Variants in ERICH6B observed in about 807,000 individuals in gnomAD.
ERICH6B encodes the protein glutamate-rich protein 6B.
A neutral mutation model predicts 80.0 loss-of-function variants in ERICH6B; 69 were observed. The ratio of observed to expected loss-of-function variants is 0.86; its 90% confidence interval spans 0.71 to 1.05. ERICH6B has a LOEUF of 1.05. Among genes scored for constraint, ERICH6B ranks in the 50% least tolerant of loss-of-function variants. The pLI is 0.00. For missense variants in ERICH6B, 754 were observed against 796.1 expected, an observed-to-expected ratio of 0.95 and a Z score of 0.64; for synonymous variants, 283 against 291.9, an observed-to-expected ratio of 0.97 and a Z score of 0.31.
intron 1 of ERICH6B, among the ~76,000 whole-genome samples, chr13:45,610,956 A>G (rs963091516): frequency 1.3e-5 from 2 of 151,974 alleles, no homozygotes; most frequent in African/African-American, 4.8e-5. Flanking sequence ...TTGGGAAGAG[A>G]CAACAAATAG....
rs925826594 is a variant in ERICH6B at position 45,589,904 on chromosome 13, G to T, written c.686+745C>A. ...AGAGCGGCCAGTGCAGGGCTGGAGG[G>T]GGGCTGCCTCGCCGGGTCAAGGGAC... On this transcript the variant is annotated intron_variant, in intron 4 of 14. Coordinates refer to ENST00000298738, the MANE Select transcript of ERICH6B (RefSeq NM_182542.3). Among the ~76,000 whole-genome samples the T allele has an allele frequency of 2.6e-5, 4 of 152,318 alleles. 1 individual carries two copies. The East Asian group carries it at 7.7e-4, about 29-fold the overall frequency.
In ERICH6B at chr13:45,580,636, C is replaced by G; in HGVS notation, c.886G>C (p.Glu296Gln). 6.4e-7 allele frequency: 1 copy of G among 1,551,662 alleles called. No individual in the cohort carries two copies. The highest frequency in any genetic ancestry group is 8.7e-7 in the Non-Finnish European group (1 of 1,146,994). The change falls in exon 6 of 15, where the codon GAG becomes CAG. Residue 296 changes from glutamate to glutamine, a missense_variant. Physicochemically the swap from Glu to Gln is conservative, Grantham distance 29. Transcript: ENST00000298738. ...GCCAGCTTCGTGGTGGTTTCTTGCT[C>G]TGTTTCTGATTTCGATTTTAAAGAT... The part of the protein sequence containing the change: ...VKSLKSKSET[E>Q]QETTTKLAPE...
chr13:45,543,274 C>T (rs1296491483), intron 14 of ERICH6B, among the ~76,000 whole-genome samples: 4 of 152,184 alleles, frequency 2.6e-5, no homozygotes, highest in African/African-American at 7.2e-5. Context: ...TCCCCCACTA[C>T]AGTTGGAGCT....
intron 2 of ERICH6B, among the ~76,000 whole-genome samples, chr13:45,598,454 C>T (rs575231655): frequency 2.0e-5 from 3 of 152,254 alleles, no homozygotes; most frequent in Non-Finnish European, 4.4e-5. Flanking sequence ...AATCCTTCTG[C>T]TTGCTTTGGG....
intron 7 of ERICH6B, among the ~76,000 whole-genome samples, chr13:45,575,556 A>AT (rs1471238160): frequency 1.3e-5 from 2 of 152,120 alleles, no homozygotes; most frequent in Admixed American, 1.3e-4. Flanking sequence ...TCCGAGTGTG[A>AT]TTTTCACTTG....
intron 7 of ERICH6B, among the ~76,000 whole-genome samples, chr13:45,578,487 G>A (rs561158981): frequency 1.3e-5 from 2 of 152,316 alleles, no homozygotes; most frequent in Admixed American, 6.5e-5. Flanking sequence ...CAATAGATGA[G>A]GAAATGGAGG....
intron 8 of ERICH6B, among the ~76,000 whole-genome samples, chr13:45,569,130 G>A (rs1189758150): frequency 1.3e-5 from 2 of 151,432 alleles, no homozygotes; most frequent in East Asian, 3.9e-4. Flanking sequence ...GTTACAAGGT[G>A]CCTTTTTTTT....
In ERICH6B at chr13:45,574,402, C is replaced by T. The variant is rs118184153; in HGVS notation, c.1050+440G>A. 4.5e-3 allele frequency among the ~76,000 whole-genome samples: 679 copies of T among 152,308 alleles called. 3 individuals carry two copies. Among genetic ancestry groups the T allele is most frequent in the Middle Eastern group, 6.8e-3 (2 of 294 alleles). Reference sequence around the variant, plus strand: ...CCAGTGGATGTAAGGCTTATTGAAACCATGATGACTCCCCATCTCATCTCC... The same window carrying T: ...CCAGTGGATGTAAGGCTTATTGAAATCATGATGACTCCCCATCTCATCTCC... On this transcript the variant is annotated intron_variant, in intron 8 of 14. Transcript: ENST00000298738.
Position 45,541,688 on chromosome 13 carries a change from G to T in ERICH6B, c.1873-8C>A. 1 of 1,549,748 alleles carries T rather than the reference G, an allele frequency of 6.5e-7. No homozygotes were observed. The highest frequency in any genetic ancestry group is 8.7e-7 in the Non-Finnish European group (1 of 1,146,836). On this transcript the variant is annotated splice_region_variant and splice_polypyrimidine_tract_variant and intron_variant, in intron 14 of 14. Coordinates refer to ENST00000298738, the MANE Select transcript of ERICH6B (RefSeq NM_182542.3). ...CACCTCTGGGATCACAAACTGTGGG[G>T]ATTCACAGAGGACTGGGTGAGAATG...
intron 5 of ERICH6B, among the ~76,000 whole-genome samples, chr13:45,583,288 T>TTCTA (rs1367524542): frequency 1.3e-5 from 2 of 152,236 alleles, no homozygotes; most frequent in African/African-American, 4.8e-5. Context: ...TTTGGCTCAA[T>TTCTA]TCTATTTTAA....
At chr13:45,599,804 T>A (rs974262829) in intron 2 of ERICH6B, among the ~76,000 whole-genome samples, 1 of 152,228 alleles carries the variant, frequency 6.6e-6, no homozygotes, top group African/African-American at 2.4e-5. Context: ...TAAGTTTTGC[T>A]TCACAGTGGT....
chr13:45,579,764 CT>C (rs1875577069), intron 7 of ERICH6B, among the ~76,000 whole-genome samples, 168 bp downstream of exon 7: 2 of 152,140 alleles, frequency 1.3e-5, no homozygotes, highest in African/African-American at 4.8e-5. Flanking sequence ...TCGTTTTAGC[CT>C]CCTTCTTGAG....
chr13:45,557,287 T>G (rs996195130), intron 11 of ERICH6B, among the ~76,000 whole-genome samples: 5 of 152,196 alleles, frequency 3.3e-5, no homozygotes, highest in African/African-American at 1.2e-4. Flanking sequence ...GGATTTTTTT[T>G]TCTTGCTAAT....
At chr13:45,553,239 C>A in intron 11 of ERICH6B, 1 of 191,058 alleles carries the variant, frequency 5.2e-6, no homozygotes, top group African/African-American at 2.4e-5. Flanking sequence ...TCCAGTGAGG[C>A]CTGATTTGTT....
In ERICH6B at chr13:45,585,768, T is replaced by A. The variant is rs185964936; in HGVS notation, c.856+1295A>T. ...AAGACATAGCTGCAAAATGTGCCCATACAGACCGAATATACATGGTGATTA... is the reference window on the plus strand; with the variant it reads ...AAGACATAGCTGCAAAATGTGCCCAAACAGACCGAATATACATGGTGATTA... On this transcript the variant is annotated intron_variant, in intron 5 of 14. Coordinates refer to ENST00000298738, the MANE Select transcript of ERICH6B (RefSeq NM_182542.3). 2.0e-5 allele frequency among the ~76,000 whole-genome samples: 3 copies of A among 152,316 alleles called. No individual in the cohort carries two copies. The East Asian group carries it at 5.8e-4, about 29-fold the overall frequency.
At chr13:45,546,080 C>T (rs370352382) in intron 13 of ERICH6B, among the ~76,000 whole-genome samples, 4 of 152,136 alleles carry the variant, frequency 2.6e-5, no homozygotes, top group Non-Finnish European at 5.9e-5. Context: ...CTGTCTGCTG[C>T]GCTGCTGAAT....
chr13:45,569,256 G>A (rs922400843), intron 8 of ERICH6B, among the ~76,000 whole-genome samples: 3 of 152,166 alleles, frequency 2.0e-5, no homozygotes, highest in African/African-American at 7.2e-5. Flanking sequence ...CTCCTGAGTA[G>A]CTGGGATCAC....
At chr13:45,587,450 T>C (rs929608302) in intron 4 of ERICH6B, among the ~76,000 whole-genome samples, 1 of 152,156 alleles carries the variant, frequency 6.6e-6, no homozygotes, top group Non-Finnish European at 1.5e-5. Context: ...TTCACTAAAC[T>C]GTGAGAGGAT....
chr13:45,556,575 CAA>C (rs1371677389), intron 11 of ERICH6B, among the ~76,000 whole-genome samples: 1 of 152,110 alleles, frequency 6.6e-6, no homozygotes, highest in Non-Finnish European at 1.5e-5. Flanking sequence ...CTTGAATCCC[CAA>C]AGTCTATTGT....
Sources: gnomAD v4.1 joint callset for allele counts (sites outside exome capture counted in the v4.1 genomes callset) on GRCh38, gnomAD v4.1.1 for gene constraint, MANE v1.5 for transcripts, NCBI Gene and HGNC (gene_info 2026-07-23, HGNC 2026-07-21) for gene names.